Variants in RNF130 observed in about 807,000 individuals in gnomAD.
The protein encoded by RNF130 is ring finger protein 130.
A neutral mutation model predicts 44.6 loss-of-function variants in RNF130; 21 were observed. The observed-to-expected ratio is 0.47, with a 90% CI of 0.33 to 0.68. The LOEUF (loss-of-function observed/expected upper bound fraction) is 0.68, where lower values mean the gene tolerates loss of function less well. Ranked by LOEUF, RNF130 falls within the 30% of genes least tolerant of loss-of-function variation. The probability of loss-of-function intolerance (pLI) is 0.02; values close to 1 mark genes in which losing one functional copy is unlikely to be tolerated. For missense variants in RNF130, 479 were observed against 560.6 expected (o/e 0.85, Z 1.47); for synonymous variants, 214 against 210.4 (o/e 1.02, Z -0.15).
At chr5:179,942,598 C>A (rs571991127) in intron 7 of RNF130, among the ~76,000 whole-genome samples, 6 of 152,030 alleles carry the variant, frequency 3.9e-5, no homozygotes, top group Admixed American at 2.6e-4. Flanking sequence ...ATTGTTGATG[C>A]GGATGCAAAA....
chr5:179,971,110 C>T (rs147102460), intron 5 of RNF130, among the ~76,000 whole-genome samples: 157 of 151,448 alleles, frequency 1.0e-3, no homozygotes, highest in Non-Finnish European at 1.6e-3. Context: ...GAGATTTTCT[C>T]TCTTATTCAG....
intron 2 of RNF130, among the ~76,000 whole-genome samples, chr5:180,039,840 A>G (rs1444600383): frequency 6.6e-6 from 1 of 152,208 alleles, no homozygotes; most frequent in African/African-American, 2.4e-5. Context: ...TACCTCTTTC[A>G]GTCCCCTTCC....
intron 7 of RNF130, among the ~76,000 whole-genome samples, chr5:179,949,334 AG>A (rs1290605954): frequency 4.0e-5 from 6 of 151,280 alleles, no homozygotes; most frequent in African/African-American, 1.5e-4. Flanking sequence ...TTGCAACCAT[AG>A]CTCACTATAT....
chr5:179,999,123 A>C (rs1582176018), intron 3 of RNF130, among the ~76,000 whole-genome samples: 1 of 131,252 alleles, frequency 7.6e-6, no homozygotes, highest in African/African-American at 2.8e-5. Flanking sequence ...TGCAGGTTCA[A>C]GCGATTCTCT....
rs1287839443 is a variant in RNF130 at position 179,961,447 on chromosome 5, G to A, written c.1244+2024C>T. Among the ~76,000 whole-genome samples, 7 of 152,140 alleles carry A rather than the reference G, an allele frequency of 4.6e-5. No homozygotes were observed. In the East Asian group the frequency reaches 1.2e-3, roughly 25 times the overall value. ...AGATTCTGAGTCATGCAGGTATTTAGGCATGGAACTAAAATATTACGGCCC... is the reference window on the plus strand; with the variant it reads ...AGATTCTGAGTCATGCAGGTATTTAAGCATGGAACTAAAATATTACGGCCC... On this transcript the variant is annotated intron_variant, in intron 8 of 8. Transcript: ENST00000521389.
intron 7 of RNF130, among the ~76,000 whole-genome samples, chr5:179,925,248 G>A (rs959376169): frequency 2.0e-5 from 3 of 151,582 alleles, no homozygotes; most frequent in Non-Finnish European, 4.4e-5. Context: ...TCCAGGGAGC[G>A]GAGAGGGGCT....
At chr5:179,943,415 G>A (rs1218992164) in intron 7 of RNF130, among the ~76,000 whole-genome samples, 3 of 152,198 alleles carry the variant, frequency 2.0e-5, no homozygotes, top group Non-Finnish European at 4.4e-5. Context: ...AGGGCCTGAC[G>A]TGGACTTTCT....
intron 7 of RNF130, among the ~76,000 whole-genome samples, chr5:179,923,005 G>C (rs1445303541): frequency 1.3e-5 from 2 of 152,092 alleles, no homozygotes; most frequent in Admixed American, 6.6e-5. Context: ...GACTTGCCTT[G>C]ACATTGTTAT....
chr5:180,013,115 G>C lies in RNF130; in HGVS notation c.639C>G (p.Leu213=). 1.2e-6 allele frequency: 2 copies of C among 1,613,998 alleles called. No individual in the cohort carries two copies. Among genetic ancestry groups the C allele is most frequent in the African/African-American group, 1.3e-5 (1 of 75,010 alleles). ...IVLMIISSAW[L]IFYFIQKIRY... is the part of the protein sequence containing the mutation. ...TGATCTTCTGAATGAAGTAGAATAT[G>C]AGCCATGCTGAAGAAATAATCATCA... Residue 213 remains leucine, a synonymous_variant, in exon 3 of 9, where the codon CTC becomes CTG. Transcript: ENST00000521389.
At position 179,917,173 on chromosome 5, in the gene RNF130, AGAGCAAG is replaced by A. The variant is rs1221598817; in HGVS notation, c.*3137_*3143del. On this transcript the variant is annotated 3_prime_UTR_variant, in exon 8 of 8. Coordinates refer to the RNF130 transcript ENST00000522208. ...GCCACTGCACTCCAGCCTGGGTGACAGAGCAAGACTCCGTCTCAAAAAAAAAAAAAAT... is the reference window on the plus strand; with the variant it reads ...GCCACTGCACTCCAGCCTGGGTGACAACTCCGTCTCAAAAAAAAAAAAAAT... 4.0e-5 allele frequency: 6 copies of A among 149,348 alleles called. No homozygotes were observed. In the East Asian group the frequency reaches 1.2e-3, roughly 30 times the overall value. The allele number at this position is 149,348 out of a possible 1,614,324, so 9.3% of individuals were successfully genotyped here.
chr5:179,994,883 A>G (rs248315), intron 3 of RNF130, among the ~76,000 whole-genome samples: 96,066 of 152,046 alleles, frequency 0.63, 31,195 homozygotes, highest in African/African-American at 0.79. Flanking sequence ...TTGTTAACCA[A>G]GAGAAGTACT....
intron 2 of RNF130, among the ~76,000 whole-genome samples, chr5:180,033,012 T>C (rs1009046266): frequency 2.6e-5 from 4 of 152,124 alleles, no homozygotes; most frequent in Admixed American, 6.5e-5. Context: ...TCTCGCTCTG[T>C]TGCCCGGCGA....
downstream of RNF130, among the ~76,000 whole-genome samples, chr5:179,954,516 C>T (rs898564360): frequency 6.6e-6 from 1 of 152,164 alleles, no homozygotes; most frequent in Non-Finnish European, 1.5e-5. Flanking sequence ...ATGCCCAGAA[C>T]AGGCAAATCC....
At chr5:179,993,599 A>G in intron 3 of RNF130, among the ~76,000 whole-genome samples, 1 of 152,000 alleles carries the variant, frequency 6.6e-6, no homozygotes, top group Non-Finnish European at 1.5e-5. Context: ...AAATTTGTTT[A>G]AGTTCTTTGT....
chr5:179,931,633 G>A (rs545439969), intron 7 of RNF130, among the ~76,000 whole-genome samples: 2 of 151,088 alleles, frequency 1.3e-5, no homozygotes, highest in East Asian at 1.9e-4. Context: ...GCCGGGCGTG[G>A]TGGTGCCTGC....
At chr5:179,979,261 T>C (rs1762778478) in intron 4 of RNF130, among the ~76,000 whole-genome samples, 1 of 151,294 alleles carries the variant, frequency 6.6e-6, no homozygotes, top group Non-Finnish European at 1.5e-5. Context: ...GATTTCCCCC[T>C]TTTCTGTTTC....
chr5:180,060,548 T>C (rs1439625207), intron 1 of RNF130, among the ~76,000 whole-genome samples: 1 of 152,152 alleles, frequency 6.6e-6, no homozygotes, highest in African/African-American at 2.4e-5. Context: ...CAGCCTAGAT[T>C]TTTACCAACA....
At chr5:179,943,164 C>T (rs577418223) in intron 7 of RNF130, among the ~76,000 whole-genome samples, 1 of 152,340 alleles carries the variant, frequency 6.6e-6, no homozygotes, top group South Asian at 2.1e-4. Context: ...CACTGCACTC[C>T]AGCCTGGGAC....
intron 3 of RNF130, among the ~76,000 whole-genome samples, chr5:180,009,236 A>C (rs1392357878): frequency 6.6e-6 from 1 of 152,206 alleles, no homozygotes; most frequent in Non-Finnish European, 1.5e-5. Flanking sequence ...CACAATTCAT[A>C]AAAGAAAAAA....
Sources: gnomAD v4.1 joint callset for allele counts (sites outside exome capture counted in the v4.1 genomes callset) on GRCh38, gnomAD v4.1.1 for gene constraint, MANE v1.5 for transcripts, NCBI Gene and HGNC (gene_info 2026-07-23, HGNC 2026-07-21) for gene names.